Variants in TBL1X observed in about 807,000 individuals in gnomAD.
The protein encoded by TBL1X is F-box-like/WD repeat-containing protein TBL1X.
A neutral mutation model predicts 50.7 loss-of-function variants in TBL1X; 10 were observed. The observed-to-expected ratio is 0.20, with a 90% CI of 0.12 to 0.33. The LOEUF (loss-of-function observed/expected upper bound fraction) is 0.33. Among genes scored for constraint, TBL1X ranks in the 10% least tolerant of loss-of-function variants. The pLI is 1.00. For synonymous variants in TBL1X, 190 were observed against 214.7 expected (o/e 0.88, Z 1.01); for missense variants, 340 against 504.4 (o/e 0.67, Z 3.12).
intron 1 of TBL1X, among the ~76,000 whole-genome samples, chrX:9,500,608 A>C (rs1340374606): frequency 4.5e-5 from 5 of 111,806 alleles, no homozygotes; most frequent in African/African-American, 1.6e-4. Context: ...AACAAACAAA[A>C]AAAACTACTC....
chrX:9,588,033 G>T (rs1005779335), intron 2 of TBL1X, among the ~76,000 whole-genome samples: 1 of 111,573 alleles, frequency 9.0e-6, no homozygotes, highest in Non-Finnish European at 1.9e-5. Context: ...TCATATCCAC[G>T]AGTTCTGCTT....
At chrX:9,592,807 G>A (rs1248423845) in intron 2 of TBL1X, among the ~76,000 whole-genome samples, 1 of 112,045 alleles carries the variant, frequency 8.9e-6, no homozygotes, top group Non-Finnish European at 1.9e-5. Context: ...AAATGTCATC[G>A]TATTTTTGTG....
At chrX:9,505,579 C>G (rs776292025) in intron 2 of TBL1X, among the ~76,000 whole-genome samples, 3 of 111,244 alleles carry the variant, frequency 2.7e-5, no homozygotes, top group Non-Finnish European at 5.7e-5. Flanking sequence ...CACACACAGG[C>G]TCAAAATAAA....
chrX:9,533,700 A>G, intron 2 of TBL1X, among the ~76,000 whole-genome samples: 1 of 111,036 alleles, frequency 9.0e-6, no homozygotes, highest in East Asian at 2.9e-4. Context: ...CAGTGTTTTG[A>G]AAATGTGGAG....
At chrX:9,675,886 T>A (rs1327897967) in intron 5 of TBL1X, among the ~76,000 whole-genome samples, 1 of 92,197 alleles carries the variant, frequency 1.1e-5, no homozygotes, top group East Asian at 3.0e-4. Context: ...AATGCAACTC[T>A]GTCTCAAAAA....
intron 2 of TBL1X, among the ~76,000 whole-genome samples, chrX:9,539,126 G>A (rs1284125165): frequency 7.1e-5 from 8 of 112,375 alleles, no homozygotes; most frequent in Non-Finnish European, 1.3e-4. Context: ...GATACATTGT[G>A]TTTGAGGACA....
intron 3 of TBL1X, among the ~76,000 whole-genome samples, chrX:9,649,053 C>T (rs1326837079): frequency 1.8e-5 from 2 of 111,543 alleles, no homozygotes; most frequent in African/African-American, 6.5e-5. Flanking sequence ...ATAAGCGCAG[C>T]TAAACGCCGG....
At chrX:9,485,060 C>T (rs771090374) in intron 1 of TBL1X, among the ~76,000 whole-genome samples, 1 of 111,212 alleles carries the variant, frequency 9.0e-6, no homozygotes, top group East Asian at 2.8e-4. Context: ...TGCACTCCAG[C>T]CTGGGTGATA....
chrX:9,684,388 C>A (rs928659481), intron 6 of TBL1X, among the ~76,000 whole-genome samples, 200 bp downstream of exon 6: 2 of 109,993 alleles, frequency 1.8e-5, no homozygotes, highest in African/African-American at 6.6e-5. Context: ...AGTTTGAGAC[C>A]AGCCTGGACA....
intron 12 of TBL1X, among the ~76,000 whole-genome samples, chrX:9,700,931 T>C (rs1176640382): frequency 9.0e-6 from 1 of 111,585 alleles, no homozygotes; most frequent in Non-Finnish European, 1.9e-5. Context: ...CTTTCATTGA[T>C]GTAACGTTCT....
At chrX:9,589,061 A>G (rs1040128716) in intron 2 of TBL1X, among the ~76,000 whole-genome samples, 1 of 111,517 alleles carries the variant, frequency 9.0e-6, no homozygotes, top group Admixed American at 9.5e-5. Context: ...CATGAGGAAT[A>G]AAATTTGAAA....
chrX:9,609,434 C>A (rs1179238436), intron 2 of TBL1X, among the ~76,000 whole-genome samples: 6 of 99,097 alleles, frequency 6.1e-5, no homozygotes, highest in Non-Finnish European at 1.2e-4. Flanking sequence ...GTGTGTGTGT[C>A]CTGCTGTATT....
Position 9,708,020 on chromosome X carries a change from C to A in TBL1X, c.1237-1228C>A, listed in dbSNP as rs143461482. Among the ~76,000 whole-genome samples the A allele has an allele frequency of 4.6e-3, 519 of 112,097 alleles. 1 individual carries two copies. Among genetic ancestry groups the A allele is most frequent in the African/African-American group, 0.015 (473 of 30,869 alleles). The stretch of plus-strand genomic sequence containing the variant: ...TTTAGAAAATTCATTATGAGTGTGT[C>A]ATTAGTTAATTGTTAGGCCGGGACA... On this transcript the variant is annotated intron_variant, in intron 13 of 17. Coordinates refer to ENST00000645353, the MANE Select transcript of TBL1X (RefSeq NM_005647.4).
At chrX:9,683,873 C>T in intron 5 of TBL1X, 170 bp from the exon 6 acceptor site, 1 of 668,851 alleles carries the variant, frequency 1.5e-6, no homozygotes, top group Non-Finnish European at 2.3e-6. Flanking sequence ...CCTGCCCTTT[C>T]CCACCTTACT....
chrX:9,615,511 A>G (rs1003553214), intron 2 of TBL1X, among the ~76,000 whole-genome samples: 1 of 112,440 alleles, frequency 8.9e-6, no homozygotes, highest in Non-Finnish European at 1.9e-5. Context: ...GCTGTGGACA[A>G]CAGAGCCATA....
intron 2 of TBL1X, among the ~76,000 whole-genome samples, chrX:9,601,868 C>T (rs1454722876): frequency 9.0e-6 from 1 of 111,454 alleles, no homozygotes; most frequent in Non-Finnish European, 1.9e-5. Context: ...ATGGCGAAAC[C>T]CTGTATCTAC....
intron 2 of TBL1X, among the ~76,000 whole-genome samples, chrX:9,612,159 CA>C (rs1310960378): frequency 1.8e-5 from 2 of 112,319 alleles, no homozygotes; most frequent in Non-Finnish European, 3.8e-5. Context: ...TCAGCGAGAA[CA>C]ACTTGTGATT....
chrX:9,716,600 A>G lies in TBL1X; in HGVS notation c.*354A>G, dbSNP rs1278824071. Reference sequence around the variant, plus strand: ...AGAAACGTAAAAAGCTGTGCCAAAAAAAAAGCAAAATGCTGTGATAAACCA... The same window carrying G: ...AGAAACGTAAAAAGCTGTGCCAAAAGAAAAGCAAAATGCTGTGATAAACCA... On this transcript the variant is annotated 3_prime_UTR_variant, in exon 18 of 18. Coordinates refer to ENST00000645353, the MANE Select transcript of TBL1X (RefSeq NM_005647.4). 6.9e-6 allele frequency: 1 copy of G among 145,897 alleles called. No individual in the cohort carries two copies. Among genetic ancestry groups the G allele is most frequent in the African/African-American group, 3.2e-5 (1 of 31,406 alleles). The allele number at this position is 145,897 out of a possible 1,213,427, so 12.0% of individuals were successfully genotyped here. A position where few individuals can be genotyped will look rare whatever the true frequency, so the allele number is the denominator to read the frequency against.
At chrX:9,527,248 C>T (rs1462480031) in intron 2 of TBL1X, among the ~76,000 whole-genome samples, 2 of 111,898 alleles carry the variant, frequency 1.8e-5, no homozygotes, top group East Asian at 5.6e-4. Flanking sequence ...TGTCTCTACT[C>T]ACCACGGGAG....
Sources: gnomAD v4.1 joint callset for allele counts (sites outside exome capture counted in the v4.1 genomes callset) on GRCh38, gnomAD v4.1.1 for gene constraint, MANE v1.5 for transcripts, NCBI Gene and HGNC (gene_info 2026-07-23, HGNC 2026-07-21) for gene names.